PTPRT: variants seen among roughly 807,000 people sequenced by gnomAD.
The protein encoded by PTPRT is protein tyrosine phosphatase receptor type T.
PTPRT carries 56 observed loss-of-function variants against 176.8 expected under a neutral mutation model. The ratio of observed to expected loss-of-function variants is 0.32; its 90% confidence interval spans 0.26 to 0.40. The LOEUF (loss-of-function observed/expected upper bound fraction) is 0.40, where lower values mean the gene tolerates loss of function less well. Among genes scored for constraint, PTPRT ranks in the 10% least tolerant of loss-of-function variants. PTPRT has a pLI of 1.00. For missense variants in PTPRT, 1,540 were observed against 1,908.2 expected, an observed-to-expected ratio of 0.81 and a Z score of 3.60; for synonymous variants, 783 against 739.0, an observed-to-expected ratio of 1.06 and a Z score of -0.96.
intron 7 of PTPRT, among the ~76,000 whole-genome samples, chr20:42,546,558 C>T (rs2072678331): frequency 2.0e-5 from 3 of 151,952 alleles, no homozygotes; most frequent in Non-Finnish European, 2.9e-5. Context: ...ACAGTGTTTC[C>T]AACTTAACTA....
At chr20:42,598,076 C>A (rs982065218) in intron 7 of PTPRT, among the ~76,000 whole-genome samples, 8 of 151,952 alleles carry the variant, frequency 5.3e-5, no homozygotes, top group Non-Finnish European at 1.2e-4. Context: ...ACCCCAATAT[C>A]CATAAAAATG....
intron 7 of PTPRT, among the ~76,000 whole-genome samples, chr20:42,472,910 C>T (rs190226725): frequency 6.6e-6 from 1 of 152,292 alleles, no homozygotes; most frequent in East Asian, 1.9e-4. Context: ...GCACACTCCT[C>T]GCTTCTGGGA....
chr20:42,635,896 C>T (rs1361507222), intron 7 of PTPRT, among the ~76,000 whole-genome samples: 1 of 152,076 alleles, frequency 6.6e-6, no homozygotes, highest in African/African-American at 2.4e-5. Context: ...TGAGTGTCCA[C>T]ATTGGAATCT....
rs912955674 is a variant in PTPRT at position 42,458,402 on chromosome 20, C to T, written c.1451-10073G>A. Among the ~76,000 whole-genome samples the T allele has an allele frequency of 5.3e-5, 8 of 152,096 alleles. No individual in the cohort carries two copies. The East Asian group carries it at 7.7e-4, about 15-fold the overall frequency. On this transcript the variant is annotated intron_variant, in intron 8 of 30. Coordinates refer to ENST00000373187, the MANE Select transcript of PTPRT (RefSeq NM_007050.6). ...CCACTGTATTACCTTGGCCAAGCTG[C>T]TTAATGTCTCTGTGTCTCATTTTCC...
chr20:42,433,642 GT>G (rs1189775441), intron 9 of PTPRT, among the ~76,000 whole-genome samples: 1 of 152,124 alleles, frequency 6.6e-6, no homozygotes, highest in Non-Finnish European at 1.5e-5. Context: ...TGAAATTCAA[GT>G]TTTAAAACAA....
chr20:42,485,356 T>C (rs1472022249), intron 7 of PTPRT, among the ~76,000 whole-genome samples: 2 of 152,122 alleles, frequency 1.3e-5, no homozygotes, highest in Non-Finnish European at 2.9e-5. Context: ...ACCTGAAACA[T>C]TTCTGATGGT....
chr20:42,631,090 C>T (rs1185458556), intron 7 of PTPRT, among the ~76,000 whole-genome samples: 1 of 151,988 alleles, frequency 6.6e-6, no homozygotes, highest in Non-Finnish European at 1.5e-5. Flanking sequence ...GCCATATTGA[C>T]AAGATCTGCA....
At chr20:42,577,969 G>GTGTGTGTGTGTGTGTGTGTGTGTGTA (rs564005742) in intron 7 of PTPRT, among the ~76,000 whole-genome samples, 3 of 140,304 alleles carry the variant, frequency 2.1e-5, no homozygotes, top group African/African-American at 8.4e-5. Flanking sequence ...GTGTGTGTGT[G>GTGTGTGTGTGTGTGTGTGTGTGTGTA]TAGGCATACC....
chr20:43,104,624 T>C (rs914197432), intron 1 of PTPRT, among the ~76,000 whole-genome samples: 2 of 152,230 alleles, frequency 1.3e-5, no homozygotes, highest in Non-Finnish European at 2.9e-5. Context: ...GATGGAACTT[T>C]CCATGATTGC....
intron 1 of PTPRT, among the ~76,000 whole-genome samples, chr20:43,114,853 A>G (rs906302608): frequency 2.0e-5 from 3 of 152,206 alleles, no homozygotes; most frequent in Non-Finnish European, 4.4e-5. Context: ...TTAAATTTAA[A>G]TAAGTAAGTT....
intron 1 of PTPRT, among the ~76,000 whole-genome samples, chr20:43,068,866 A>G (rs1177106490): frequency 6.6e-6 from 1 of 152,210 alleles, no homozygotes. Context: ...CAAATGCTCC[A>G]AAAGCATGGA....
intron 7 of PTPRT, among the ~76,000 whole-genome samples, chr20:42,550,669 A>G (rs2072754152): frequency 6.6e-6 from 1 of 152,114 alleles, no homozygotes; most frequent in Non-Finnish European, 1.5e-5. Context: ...TGCGGGGCTA[A>G]GCTGCATCCT....
intron 9 of PTPRT, among the ~76,000 whole-genome samples, chr20:42,358,885 G>A (rs182836378): frequency 1.6e-4 from 24 of 152,280 alleles, no homozygotes; most frequent in African/African-American, 4.8e-4. Flanking sequence ...GCAACAGTAG[G>A]TGGCATTTCT....
At position 42,385,849 on chromosome 20, in the gene PTPRT, C is replaced by T. The variant is rs553593591; in HGVS notation, c.1561-33564G>A. On this transcript the variant is annotated intron_variant, in intron 9 of 30. Transcript: ENST00000373187. Reference sequence around the variant, plus strand: ...ACGATTCAATTATCCCCACCTGCCCCCCTCCATGGACATGTGGGGATTATT... The same window carrying T: ...ACGATTCAATTATCCCCACCTGCCCTCCTCCATGGACATGTGGGGATTATT... Among the ~76,000 whole-genome samples the T allele has an allele frequency of 7.9e-5, 12 of 152,192 alleles. No individual in the cohort carries two copies. In the East Asian group the frequency reaches 1.9e-3, roughly 25 times the overall value.
chr20:42,438,214 T>C (rs1163742718), intron 9 of PTPRT, among the ~76,000 whole-genome samples: 2 of 152,216 alleles, frequency 1.3e-5, no homozygotes, highest in Non-Finnish European at 2.9e-5. Flanking sequence ...TCACTCTTCA[T>C]TTCCTTCCCT....
chr20:42,470,002 C>A (rs2071166021), intron 8 of PTPRT, among the ~76,000 whole-genome samples: 1 of 151,896 alleles, frequency 6.6e-6, no homozygotes, highest in African/African-American at 2.4e-5. Flanking sequence ...CTACTGAATC[C>A]CAGGAACACA....
chr20:42,867,233 T>C (rs1016884285), intron 2 of PTPRT, among the ~76,000 whole-genome samples: 2 of 152,174 alleles, frequency 1.3e-5, no homozygotes, highest in African/African-American at 4.8e-5. Flanking sequence ...TCTTGTCCCT[T>C]ATCCTCATTT....
intron 2 of PTPRT, among the ~76,000 whole-genome samples, chr20:42,838,747 C>G (rs147244406): frequency 6.6e-6 from 1 of 152,204 alleles, no homozygotes; most frequent in Non-Finnish European, 1.5e-5. Context: ...GGCAGGGAAT[C>G]CAAATTCCAA....
At chr20:42,709,146 A>G (rs2076105623) in intron 6 of PTPRT, among the ~76,000 whole-genome samples, 1 of 152,212 alleles carries the variant, frequency 6.6e-6, no homozygotes, top group African/African-American at 2.4e-5. Context: ...CGGGACAGAA[A>G]GGGCCAGTGC....
Sources: gnomAD v4.1 joint callset for allele counts (sites outside exome capture counted in the v4.1 genomes callset) on GRCh38, gnomAD v4.1.1 for gene constraint, MANE v1.5 for transcripts, NCBI Gene and HGNC (gene_info 2026-07-23, HGNC 2026-07-21) for gene names.